The following SGK1 variants were observed in gnomAD, a reference collection of about 807,000 sequenced individuals.
SGK1 encodes the protein serum/glucocorticoid regulated kinase 1.
SGK1 carries 26 observed loss-of-function variants against 64.2 expected under a neutral mutation model. That is an observed-to-expected ratio of 0.40 (90% confidence interval 0.30 to 0.56). SGK1 has a LOEUF of 0.56. Ranked by LOEUF, SGK1 falls within the 20% of genes least tolerant of loss-of-function variation. SGK1 has a pLI of 0.38. For synonymous variants in SGK1, 265 were observed against 239.7 expected (o/e 1.11, Z -0.98); for missense variants, 519 against 645.6 (o/e 0.80, Z 2.12).
intron 2 of SGK1, among the ~76,000 whole-genome samples, chr6:134,255,300 A>C (rs938515426): frequency 6.6e-6 from 1 of 152,202 alleles, no homozygotes; most frequent in Non-Finnish European, 1.5e-5. Flanking sequence ...CAACATTGCA[A>C]TGGATATTAC....
intron 7 of SGK1, 34 bp downstream of exon 7, chr6:134,173,240 C>T (rs763206705): frequency 8.7e-6 from 14 of 1,608,780 alleles, no homozygotes; most frequent in Admixed American, 8.4e-5. Context: ...GAGTGTCTAC[C>T]GCCAATGCCA....
At chr6:134,204,403 T>C (rs1456387901) in intron 3 of SGK1, among the ~76,000 whole-genome samples, 1 of 150,564 alleles carries the variant, frequency 6.6e-6, no homozygotes, top group East Asian at 1.9e-4. Context: ...ATAAAAACGT[T>C]TTAAAAATGA....
At chr6:134,281,224 T>G (rs1777089842) in intron 1 of SGK1, among the ~76,000 whole-genome samples, 1 of 152,212 alleles carries the variant, frequency 6.6e-6, no homozygotes, top group Admixed American at 6.5e-5. Context: ...TTGGTCATTT[T>G]AGTGTTTATC....
At chr6:134,314,596 C>T (rs982960164) in intron 1 of SGK1, among the ~76,000 whole-genome samples, 2 of 152,136 alleles carry the variant, frequency 1.3e-5, no homozygotes, top group African/African-American at 4.8e-5. Flanking sequence ...TGAGCTAATA[C>T]ATGTAAAGCA....
chr6:134,188,812 A>G (rs1775461763), intron 3 of SGK1, among the ~76,000 whole-genome samples: 1 of 151,738 alleles, frequency 6.6e-6, no homozygotes, highest in African/African-American at 2.4e-5. Context: ...GGCTCACTGC[A>G]GCCTCAACCT....
intron 1 of SGK1, among the ~76,000 whole-genome samples, chr6:134,264,650 T>TTA (rs1366674762): frequency 6.5e-5 from 9 of 137,622 alleles, no homozygotes; most frequent in African/African-American, 2.3e-4. Flanking sequence ...ATTATTTTTG[T>TTA]TGTTGTTGTT....
intron 3 of SGK1, among the ~76,000 whole-genome samples, chr6:134,184,504 C>CAAAAAA (rs1162404618): frequency 4.7e-5 from 3 of 63,566 alleles, no homozygotes; most frequent in East Asian, 7.4e-4. Flanking sequence ...GACTCCATCT[C>CAAAAAA]AAAAAAAAAA....
At chr6:134,261,890 G>A (rs749950509) in intron 2 of SGK1, 43 bp downstream of exon 2, 2 of 1,460,996 alleles carry the variant, frequency 1.4e-6, no homozygotes, top group South Asian at 2.3e-5. Flanking sequence ...CAAAGGCCCA[G>A]AATTTTTCCA....
At chr6:134,205,230 G>C (rs1775751128) in intron 3 of SGK1, among the ~76,000 whole-genome samples, 1 of 152,076 alleles carries the variant, frequency 6.6e-6, no homozygotes, top group African/African-American at 2.4e-5. Flanking sequence ...ATGTGCTGTA[G>C]ATCTTACTAG....
At chr6:134,298,271 A>T (rs545518016) in intron 1 of SGK1, 5 of 1,566,098 alleles carry the variant, frequency 3.2e-6, no homozygotes, top group Admixed American at 3.3e-5. Context: ...TTGTTGAAGT[A>T]GCTCTCGAAC....
At chr6:134,209,953 A>C (rs997890188) in intron 2 of SGK1, among the ~76,000 whole-genome samples, 1 of 152,262 alleles carries the variant, frequency 6.6e-6, no homozygotes, top group Admixed American at 6.5e-5. Flanking sequence ...CTGGGATTAC[A>C]GGCATGAGCC....
chr6:134,250,866 T>C (rs1247722757), intron 2 of SGK1, among the ~76,000 whole-genome samples: 1 of 152,158 alleles, frequency 6.6e-6, no homozygotes, highest in African/African-American at 2.4e-5. Context: ...CTTGACCTCC[T>C]GGGCTCAAGC....
At chr6:134,196,182 G>A (rs897682344) in intron 3 of SGK1, among the ~76,000 whole-genome samples, 2 of 152,134 alleles carry the variant, frequency 1.3e-5, no homozygotes, top group African/African-American at 4.8e-5. Context: ...AGCCAGGCAC[G>A]TGACTGTAAT....
intron 1 of SGK1, among the ~76,000 whole-genome samples, chr6:134,291,676 C>T (rs921460219): frequency 2.6e-5 from 4 of 152,214 alleles, no homozygotes; most frequent in Admixed American, 2.0e-4. Flanking sequence ...AGCTAATCCC[C>T]TTTGCTTAGC....
rs1322144828 is a variant in SGK1, at chr6:134,170,220, C to T, written c.*48G>A. On this transcript the variant is annotated 3_prime_UTR_variant, in exon 14 of 14. Coordinates refer to ENST00000367858, the MANE Select transcript of SGK1 (RefSeq NM_001143676.3). ...GGCTCCACCAAAAGGCTAACTAAAA[C>T]ATTCGGAAACACACATAAAATCCTT... The T allele has an allele frequency of 6.6e-7, 1 of 1,518,786 alleles. No homozygotes were observed. The highest frequency in any genetic ancestry group is 9.0e-7 in the Non-Finnish European group (1 of 1,116,194). The allele number at this position is 1,518,786 out of a possible 1,614,324, so 94.1% of individuals were successfully genotyped here.
intron 1 of SGK1, among the ~76,000 whole-genome samples, chr6:134,279,824 G>A (rs1777067806): frequency 6.6e-6 from 1 of 152,108 alleles, no homozygotes; most frequent in African/African-American, 2.4e-5. Context: ...AAATGAGCAG[G>A]TGTGCAGTAA....
intron 4 of SGK1, 148 bp from the exon 5 acceptor site, chr6:134,174,228 A>T: frequency 1.6e-6 from 1 of 625,722 alleles, no homozygotes; most frequent in African/African-American, 1.8e-5. Flanking sequence ...TCAGTTAAAG[A>T]AAATAATAAA....
At chr6:134,273,418 G>A (rs1172420947) in intron 1 of SGK1, among the ~76,000 whole-genome samples, 1 of 146,836 alleles carries the variant, frequency 6.8e-6, no homozygotes, top group Non-Finnish European at 1.5e-5. Flanking sequence ...GTGAAACCCC[G>A]TCTCTACTAA....
At chr6:134,197,702 C>T (rs1235308735) in intron 3 of SGK1, among the ~76,000 whole-genome samples, 2 of 151,226 alleles carry the variant, frequency 1.3e-5, no homozygotes, top group Middle Eastern at 3.2e-3. Flanking sequence ...GGCGGATGCC[C>T]GTAATATCAG....
Sources: gnomAD v4.1 joint callset for allele counts (sites outside exome capture counted in the v4.1 genomes callset) on GRCh38, gnomAD v4.1.1 for gene constraint, MANE v1.5 for transcripts, NCBI Gene and HGNC (gene_info 2026-07-23, HGNC 2026-07-21) for gene names.